TIAM1: variants seen among roughly 807,000 people sequenced by gnomAD.
TIAM1 encodes rho guanine nucleotide exchange factor TIAM1.
Under a neutral mutation model 163.5 loss-of-function variants are expected in TIAM1, and 65 were observed. The ratio of observed to expected loss-of-function variants is 0.40; its 90% CI spans 0.33 to 0.49. TIAM1 has a LOEUF of 0.49. Among genes scored for constraint, TIAM1 ranks in the 20% least tolerant of loss-of-function variants. The pLI is 0.77. For missense variants in TIAM1, 1,789 were observed against 2,044.7 expected (o/e 0.87, Z 2.41); for synonymous variants, 833 against 810.1 (o/e 1.03, Z -0.48).
At chr21:31,158,687 T>A (rs1052998924) in intron 16 of TIAM1, among the ~76,000 whole-genome samples, 4 of 151,846 alleles carry the variant, frequency 2.6e-5, no homozygotes, top group Non-Finnish European at 5.9e-5. Context: ...CCCCCCCAAA[T>A]TTTTTTTGGA....
chr21:31,337,545 A>T (rs1602026333), intron 2 of TIAM1, among the ~76,000 whole-genome samples: 1 of 146,268 alleles, frequency 6.8e-6, no homozygotes, highest in Non-Finnish European at 1.5e-5. Flanking sequence ...TATTATTATT[A>T]TTTTGAGACA....
chr21:31,381,260 C>T (rs1440895543), intron 2 of TIAM1, among the ~76,000 whole-genome samples: 2 of 152,040 alleles, frequency 1.3e-5, no homozygotes, highest in East Asian at 1.9e-4. Flanking sequence ...GGGGCCTTTG[C>T]GGGGTGATTA....
chr21:31,378,436 G>A (rs1318437772), intron 2 of TIAM1, among the ~76,000 whole-genome samples: 1 of 152,210 alleles, frequency 6.6e-6, no homozygotes, highest in African/African-American at 2.4e-5. Flanking sequence ...AAAAGTCAGT[G>A]TCCCACATAA....
At chr21:31,385,956 ATATAT>A (rs953585699) in intron 2 of TIAM1, among the ~76,000 whole-genome samples, 2 of 147,718 alleles carry the variant, frequency 1.4e-5, no homozygotes, top group East Asian at 1.9e-4. Flanking sequence ...ACTGGTATTA[ATATAT>A]TATATATAAT....
chr21:31,299,240 G>C (rs1601875977), intron 2 of TIAM1, among the ~76,000 whole-genome samples: 1 of 152,232 alleles, frequency 6.6e-6, no homozygotes, highest in South Asian at 2.1e-4. Flanking sequence ...AGCTCCTTCT[G>C]GGATTCAATT....
At chr21:31,409,747 A>G (rs2077313322) in intron 2 of TIAM1, among the ~76,000 whole-genome samples, 1 of 152,074 alleles carries the variant, frequency 6.6e-6, no homozygotes, top group Admixed American at 6.5e-5. Context: ...GGGCTGGAGG[A>G]AAAAAATCCA....
In TIAM1 at chr21:31,536,993, G is replaced by A. The variant is rs1235427473; in HGVS notation, c.-422+21934C>T. ...TGTTGGCAGGACTGCACTCCCTCAA[G>A]AGACTCTGGGGAAGGATCCTTCCTT... On this transcript the variant is annotated intron_variant, in intron 1 of 28. Transcript: ENST00000286827. Among the ~76,000 whole-genome samples, 4 of 152,364 alleles carry A rather than the reference G, an allele frequency of 2.6e-5. No individual in the cohort carries two copies. In the East Asian group the frequency reaches 7.7e-4, roughly 29 times the overall value.
At chr21:31,254,007 T>G (rs2253027) in intron 4 of TIAM1, among the ~76,000 whole-genome samples, 19,798 of 152,254 alleles carry the variant, frequency 0.13, 1,754 homozygotes, top group East Asian at 0.39. Context: ...TCCAAACTTT[T>G]GGATTCATTT....
At chr21:31,162,907 T>C (rs886954645) in intron 16 of TIAM1, among the ~76,000 whole-genome samples, 53 of 152,134 alleles carry the variant, frequency 3.5e-4, no homozygotes, top group African/African-American at 1.3e-3. Context: ...AGAGCCTTGT[T>C]CTCTGGAAAA....
chr21:31,280,702 G>T (rs774213153), intron 2 of TIAM1, among the ~76,000 whole-genome samples: 10 of 151,922 alleles, frequency 6.6e-5, no homozygotes, highest in African/African-American at 9.7e-5. Flanking sequence ...TATTATTTAA[G>T]ATGAAAATAC....
chr21:31,238,762 G>T (rs140769821), intron 6 of TIAM1, among the ~76,000 whole-genome samples: 1 of 152,156 alleles, frequency 6.6e-6, no homozygotes, highest in Non-Finnish European at 1.5e-5. Context: ...TCTTGCCCAC[G>T]TTCTTCTTAG....
At chr21:31,253,904 A>G (rs1166743032) in intron 4 of TIAM1, among the ~76,000 whole-genome samples, 1 of 152,204 alleles carries the variant, frequency 6.6e-6, no homozygotes, top group African/African-American at 2.4e-5. Context: ...CATTGACCAT[A>G]TGCTTCCCTC....
chr21:31,434,587 A>G (rs1230793169), intron 2 of TIAM1, among the ~76,000 whole-genome samples: 1 of 152,236 alleles, frequency 6.6e-6, no homozygotes, highest in African/African-American at 2.4e-5. Flanking sequence ...TTAAACTTTT[A>G]AAAATTCAGA....
intron 2 of TIAM1, among the ~76,000 whole-genome samples, chr21:31,313,253 TAAAAATC>T (rs1330538695): frequency 6.6e-6 from 1 of 152,192 alleles, no homozygotes; most frequent in East Asian, 1.9e-4. Flanking sequence ...TTTCTTTCCT[TAAAAATC>T]AACATGATAC....
Position 31,225,936 on chromosome 21 carries a change from C to T in TIAM1, c.1599G>A (p.Thr533=), listed in dbSNP as rs140561385. The part of the protein sequence containing the change: ...DAFLFQTTSQ[T]ELENWITAIH... ...TGGCGGTGATCCAGTTTTCAAGCTC[C>T]GTCTGGCTAGTGGTCTGTACCAGGA... The change falls in exon 7 of 28, where the codon ACG becomes ACA. Residue 533 remains threonine, a synonymous_variant. Transcript: ENST00000541036. 1.9e-5 allele frequency: 30 copies of T among 1,613,968 alleles called. No homozygotes were observed. The highest frequency in any genetic ancestry group is 2.2e-5 in the East Asian group (1 of 44,882).
intron 2 of TIAM1, among the ~76,000 whole-genome samples, chr21:31,463,825 A>AT (rs961994622): frequency 6.6e-6 from 1 of 151,810 alleles, no homozygotes; most frequent in African/African-American, 2.4e-5. Flanking sequence ...AAAAAAAAAA[A>AT]AGAATAGGGG....
intron 1 of TIAM1, among the ~76,000 whole-genome samples, chr21:31,554,330 C>CT (rs1206791924): frequency 1.3e-5 from 2 of 152,208 alleles, no homozygotes; most frequent in Non-Finnish European, 2.9e-5. Flanking sequence ...AAATCATACT[C>CT]TAGCGGGGCA....
chr21:31,196,478 A>ATTTTTTTTTTTTTTTTTTTTT (rs59358430), intron 12 of TIAM1, among the ~76,000 whole-genome samples: 12 of 133,090 alleles, frequency 9.0e-5, no homozygotes, highest in African/African-American at 3.1e-4. Flanking sequence ...CATCTGGCTA[A>ATTTTTTTTTTTTTTTTTTTTT]TTTTTTTTTT....
chr21:31,156,963 T>C (rs1016486227), intron 16 of TIAM1, among the ~76,000 whole-genome samples: 1 of 152,252 alleles, frequency 6.6e-6, no homozygotes, highest in Non-Finnish European at 1.5e-5. Context: ...GGAAAGCTAC[T>C]GCTCATAGCA....
Sources: gnomAD v4.1 joint callset for allele counts (sites outside exome capture counted in the v4.1 genomes callset) on GRCh38, gnomAD v4.1.1 for gene constraint, MANE v1.5 for transcripts, NCBI Gene and HGNC (gene_info 2026-07-23, HGNC 2026-07-21) for gene names.